Variants in MAML2 observed in about 807,000 individuals in gnomAD.
MAML2 encodes the protein mastermind-like protein 2.
Under a neutral mutation model 96.1 loss-of-function variants are expected in MAML2, and 22 were observed. That is an observed-to-expected ratio of 0.23 (90% CI 0.16 to 0.33). The LOEUF is 0.33. Ranked by LOEUF, MAML2 falls within the 10% of genes least tolerant of loss-of-function variation. The pLI is 1.00. For missense variants in MAML2, 1,367 were observed against 1,392.4 expected, an observed-to-expected ratio of 0.98 and a Z score of 0.29; for synonymous variants, 561 against 521.3, an observed-to-expected ratio of 1.08 and a Z score of -1.04.
At chr11:96,064,269 T>C (rs558337774) in intron 2 of MAML2, among the ~76,000 whole-genome samples, 3 of 152,320 alleles carry the variant, frequency 2.0e-5, no homozygotes, top group Non-Finnish European at 4.4e-5. Flanking sequence ...TCTGTGTTCC[T>C]GGGCAGATGG....
intron 1 of MAML2, among the ~76,000 whole-genome samples, chr11:96,249,478 T>G (rs10831500): frequency 0.32 from 48,684 of 151,830 alleles, 8,962 homozygotes; most frequent in South Asian, 0.55. Context: ...CAAACTAAAA[T>G]GTCCAAAATG....
intron 1 of MAML2, among the ~76,000 whole-genome samples, chr11:96,101,658 A>C (rs1419520045): frequency 6.6e-6 from 1 of 152,232 alleles, no homozygotes; most frequent in African/African-American, 2.4e-5. Flanking sequence ...GTAAAGCACC[A>C]GCATTATTCC....
At chr11:96,274,077 C>CTTTTTTTTT (rs992096555) in intron 1 of MAML2, among the ~76,000 whole-genome samples, 5 of 91,790 alleles carry the variant, frequency 5.4e-5, no homozygotes, top group Admixed American at 1.2e-4. Flanking sequence ...TTTCCTTTTC[C>CTTTTTTTTT]TTTTTTTTTT....
intron 2 of MAML2, among the ~76,000 whole-genome samples, chr11:95,994,394 A>G (rs1046343457): frequency 7.2e-5 from 11 of 152,194 alleles, no homozygotes; most frequent in Non-Finnish European, 1.6e-4. Context: ...CCTGTGTTCT[A>G]TAAGCCACTA....
intron 1 of MAML2, among the ~76,000 whole-genome samples, chr11:96,236,050 G>A (rs987601986): frequency 6.6e-6 from 1 of 152,222 alleles, no homozygotes; most frequent in East Asian, 1.9e-4. Context: ...CTGGGACCCT[G>A]AGGGAAATGA....
At chr11:96,299,060 A>AAAAAAT (rs55878534) in intron 1 of MAML2, among the ~76,000 whole-genome samples, 2 of 56,336 alleles carry the variant, frequency 3.6e-5, no homozygotes, top group African/African-American at 1.8e-4. Context: ...AAAAAAAAAA[A>AAAAAAT]ATATATATAT....
At chr11:96,218,320 T>G (rs529627564) in intron 1 of MAML2, among the ~76,000 whole-genome samples, 1 of 152,216 alleles carries the variant, frequency 6.6e-6, no homozygotes, top group East Asian at 1.9e-4. Flanking sequence ...TAAGGCACCA[T>G]GCATCCTCGG....
chr11:96,043,040 G>A (rs1300941946), intron 2 of MAML2, among the ~76,000 whole-genome samples: 3 of 151,950 alleles, frequency 2.0e-5, no homozygotes, highest in Non-Finnish European at 2.9e-5. Flanking sequence ...GCCACCACCC[G>A]GCGAATCCTT....
At chr11:96,263,550 T>C (rs1429025711) in intron 1 of MAML2, among the ~76,000 whole-genome samples, 1 of 152,214 alleles carries the variant, frequency 6.6e-6, no homozygotes, top group Non-Finnish European at 1.5e-5. Context: ...CTGGTGTCCA[T>C]TGTGAAAGAT....
intron 1 of MAML2, among the ~76,000 whole-genome samples, chr11:96,259,191 T>C (rs1369400520): frequency 6.6e-6 from 1 of 152,236 alleles, no homozygotes; most frequent in Non-Finnish European, 1.5e-5. Context: ...TTCAATTTTC[T>C]AAGTGAAGGC....
intron 1 of MAML2, among the ~76,000 whole-genome samples, chr11:96,124,382 T>C (rs770779190): frequency 4.6e-5 from 7 of 152,166 alleles, no homozygotes; most frequent in Admixed American, 6.6e-5. Context: ...GGATGTTCTC[T>C]GGTTTGATTC....
chr11:96,276,816 C>CAAA (rs67291067), intron 1 of MAML2, among the ~76,000 whole-genome samples: 8 of 78,598 alleles, frequency 1.0e-4, no homozygotes, highest in South Asian at 5.1e-4. Flanking sequence ...TTCTCAGACC[C>CAAA]AAAAAAAAAA....
chr11:95,985,866 A>G (rs186965690), intron 3 of MAML2, among the ~76,000 whole-genome samples: 1 of 152,286 alleles, frequency 6.6e-6, no homozygotes, highest in East Asian at 1.9e-4. Context: ...AACAGTCAAC[A>G]TGTGTTTTGG....
At chr11:96,187,420 G>A (rs1447065228) in intron 1 of MAML2, among the ~76,000 whole-genome samples, 1 of 152,172 alleles carries the variant, frequency 6.6e-6, no homozygotes, top group East Asian at 1.9e-4. Flanking sequence ...AGGTATAAAC[G>A]TAGCTTCACT....
chr11:96,244,183 G>A (rs905698570), intron 1 of MAML2, among the ~76,000 whole-genome samples: 2 of 152,244 alleles, frequency 1.3e-5, no homozygotes, highest in African/African-American at 4.8e-5. Flanking sequence ...TACCCCTTTT[G>A]AGAGCCTCAG....
At chr11:96,087,633 A>G (rs916329111) in intron 2 of MAML2, among the ~76,000 whole-genome samples, 5 of 152,162 alleles carry the variant, frequency 3.3e-5, no homozygotes, top group Non-Finnish European at 7.4e-5. Context: ...CCATTTTTTT[A>G]GCCTCCTTCT....
chr11:96,149,216 A>T (rs1252450228), intron 1 of MAML2, among the ~76,000 whole-genome samples: 1 of 151,940 alleles, frequency 6.6e-6, no homozygotes, highest in Non-Finnish European at 1.5e-5. Flanking sequence ...GTTTGAGACC[A>T]GCCTGGCCAA....
intron 1 of MAML2, among the ~76,000 whole-genome samples, chr11:96,105,270 A>C (rs1346464533): frequency 6.6e-6 from 1 of 152,224 alleles, no homozygotes; most frequent in Non-Finnish European, 1.5e-5. Context: ...GCAGAATTCC[A>C]ACAGCATGTC....
chr11:96,173,092 C>A (rs1861324632), intron 1 of MAML2, among the ~76,000 whole-genome samples: 1 of 152,188 alleles, frequency 6.6e-6, no homozygotes, highest in Admixed American at 6.5e-5. Context: ...CTTGCCTATG[C>A]AAACATACTA....
Sources: allele counts gnomAD v4.1 joint callset (sites outside exome capture counted in the v4.1 genomes callset), GRCh38; gene constraint gnomAD v4.1.1; transcripts MANE v1.5; gene names NCBI Gene and HGNC (gene_info 2026-07-23, HGNC 2026-07-21).